Variants in HIP1 observed in about 807,000 individuals in gnomAD.
HIP1 encodes the protein huntingtin-interacting protein 1.
Under a neutral mutation model 147.6 loss-of-function variants are expected in HIP1, and 65 were observed. The ratio of observed to expected loss-of-function variants is 0.44; its 90% CI spans 0.36 to 0.54. The LOEUF is 0.54. HIP1 is among the 20% of genes least tolerant of loss of function. HIP1 has a pLI of 0.00. For missense variants in HIP1, 1,061 were observed against 1,299.6 expected (o/e 0.82, Z 2.82); for synonymous variants, 479 against 504.0 (o/e 0.95, Z 0.67).
intron 1 of HIP1, among the ~76,000 whole-genome samples, chr7:75,686,843 C>CTTT (rs55942242): frequency 0.019 from 1,485 of 79,890 alleles, no homozygotes; most frequent in Non-Finnish European, 0.022. Context: ...TATTTTAGTT[C>CTTT]TTTTTTTTTT....
At chr7:75,590,391 A>G (rs1375982863) in intron 4 of HIP1, among the ~76,000 whole-genome samples, 1 of 152,166 alleles carries the variant, frequency 6.6e-6, no homozygotes, top group Non-Finnish European at 1.5e-5. Context: ...AAGTAGATTT[A>G]TTTTTTAACC....
intron 6 of HIP1, among the ~76,000 whole-genome samples, chr7:75,581,855 C>T (rs1306882453): frequency 6.6e-6 from 1 of 152,042 alleles, no homozygotes; most frequent in African/African-American, 2.4e-5. Context: ...GGGCAGAAAG[C>T]GAGACAGACA....
intron 1 of HIP1, among the ~76,000 whole-genome samples, chr7:75,636,278 G>A (rs993088667): frequency 6.6e-6 from 1 of 150,892 alleles, no homozygotes; most frequent in Non-Finnish European, 1.5e-5. Flanking sequence ...CTGAACCCGC[G>A]AGGCAGAGGG....
chr7:75,595,195 T>TCTTTCTTC, intron 2 of HIP1, among the ~76,000 whole-genome samples: 1 of 44,234 alleles, frequency 2.3e-5, no homozygotes, highest in Admixed American at 2.4e-4. Context: ...GTCCTTTCTT[T>TCTTTCTTC]CTTTCTTTCT....
intron 1 of HIP1, chr7:75,654,689 T>A (rs1799096106): frequency 6.6e-6 from 1 of 152,248 alleles, no homozygotes; most frequent in Non-Finnish European, 1.5e-5. Flanking sequence ...GTATCTCCTC[T>A]GCAGCTGCTG....
intron 1 of HIP1, among the ~76,000 whole-genome samples, chr7:75,619,554 A>C (rs587762848): frequency 1.3e-3 from 203 of 152,086 alleles, no homozygotes; most frequent in Non-Finnish European, 2.4e-3. Context: ...AGTAACAAAA[A>C]GGAAGAATGA....
chr7:75,593,438 C>A (rs143703163), intron 2 of HIP1, among the ~76,000 whole-genome samples: 1 of 152,044 alleles, frequency 6.6e-6, no homozygotes, highest in Non-Finnish European at 1.5e-5. Flanking sequence ...TAAGATCAGC[C>A]TGACCAACAC....
intron 1 of HIP1, among the ~76,000 whole-genome samples, chr7:75,640,875 G>A (rs1292439678): frequency 1.3e-5 from 2 of 152,118 alleles, no homozygotes; most frequent in African/African-American, 4.8e-5. Flanking sequence ...GCCCTGAGGA[G>A]AAGGCATCTC....
rs182166390 is a variant in HIP1, at chr7:75,683,812, C to T, written c.120+54989G>A. Among the ~76,000 whole-genome samples, 242 of 152,330 alleles carry T rather than the reference C, an allele frequency of 1.6e-3. 7 individuals carry two copies. Among genetic ancestry groups the T allele is most frequent in the Admixed American group, 0.015 (231 of 15,288 alleles). On this transcript the variant is annotated intron_variant, in intron 1 of 30. Transcript: ENST00000336926. ...AAAGAGAAACAAATGGACATCTGTACAGCACTTGACAGTTTACAAAACGTC... is the reference window on the plus strand; with the variant it reads ...AAAGAGAAACAAATGGACATCTGTATAGCACTTGACAGTTTACAAAACGTC...
intron 1 of HIP1, among the ~76,000 whole-genome samples, chr7:75,719,636 G>A (rs1200134873): frequency 5.3e-5 from 8 of 152,092 alleles, no homozygotes; most frequent in Admixed American, 5.3e-4. Context: ...GTCCAGGCTG[G>A]TGTCGAACTC....
intron 1 of HIP1, among the ~76,000 whole-genome samples, chr7:75,647,211 CAAAAAAAAAAAAAAAA>C (rs60972195): frequency 2.1e-4 from 12 of 58,004 alleles, no homozygotes; most frequent in South Asian, 8.5e-4. Flanking sequence ...ACTAAAAATA[CAAAAAAAAAAAAAAAA>C]AAAAAAAAAA....
At chr7:75,550,386 C>T (rs1329002635) in intron 22 of HIP1, among the ~76,000 whole-genome samples, 3 of 152,182 alleles carry the variant, frequency 2.0e-5, no homozygotes, top group South Asian at 2.1e-4. Flanking sequence ...ACACAGAATT[C>T]AAGAGCGTGG....
chr7:75,599,331 C>T, intron 1 of HIP1, 84 bp from the exon 2 acceptor site: 1 of 1,040,474 alleles, frequency 9.6e-7, no homozygotes, highest in Non-Finnish European at 1.5e-6. Flanking sequence ...GATGCCCGCC[C>T]CTTTCTCCTC....
chr7:75,554,770 G>A (rs1794926574), intron 19 of HIP1, among the ~76,000 whole-genome samples: 1 of 152,090 alleles, frequency 6.6e-6, no homozygotes, highest in Admixed American at 6.6e-5. Flanking sequence ...TCACACCTGG[G>A]GGCTTTAGAA....
At position 75,678,787 on chromosome 7, in the gene HIP1, G is replaced by A. The variant is rs2705800; in HGVS notation, c.120+60014C>T. 8.9e-3 allele frequency among the ~76,000 whole-genome samples: 1,352 copies of A among 152,222 alleles called. 21 individuals are homozygous for A. Among genetic ancestry groups the A allele is most frequent in the African/African-American group, 0.031 (1,288 of 41,552 alleles). On this transcript the variant is annotated intron_variant, in intron 1 of 30. Transcript: ENST00000336926. The stretch of plus-strand genomic sequence containing the variant: ...CAGCTCCTGCTTTGAGATGGAGCAG[G>A]GACCCCCTCCTAGGGGCTTGCAGGC...
intron 1 of HIP1, among the ~76,000 whole-genome samples, chr7:75,637,422 C>G (rs1798459513): frequency 6.6e-6 from 1 of 152,046 alleles, no homozygotes; most frequent in South Asian, 2.1e-4. Flanking sequence ...CTTCAGATCC[C>G]TCAACCTCCT....
At chr7:75,647,674 G>A (rs1463678272) in intron 1 of HIP1, among the ~76,000 whole-genome samples, 2 of 152,228 alleles carry the variant, frequency 1.3e-5, no homozygotes, top group African/African-American at 2.4e-5. Flanking sequence ...TCTGGGTCAG[G>A]GTGTGCATGG....
intron 26 of HIP1, 67 bp from the exon 27 acceptor site, chr7:75,544,867 C>T (rs1794488471): frequency 9.8e-7 from 1 of 1,020,394 alleles, no homozygotes; most frequent in African/African-American, 1.6e-5. Context: ...ACAATCCCAC[C>T]TCCAGACCAC....
intron 2 of HIP1, among the ~76,000 whole-genome samples, chr7:75,597,832 C>G (rs782147066): frequency 3.9e-5 from 6 of 152,050 alleles, no homozygotes; most frequent in African/African-American, 9.7e-5. Flanking sequence ...TAGCCACCCC[C>G]CTGGCAGACT....
Sources: allele counts gnomAD v4.1 joint callset (sites outside exome capture counted in the v4.1 genomes callset), GRCh38; gene constraint gnomAD v4.1.1; transcripts MANE v1.5; gene names NCBI Gene and HGNC (gene_info 2026-07-23, HGNC 2026-07-21).